Variants in TBC1D20 observed in about 807,000 individuals in gnomAD.
TBC1D20 encodes TBC1 domain family member 20, also known as chromosome 20 open reading frame 140.
TBC1D20 carries 12 observed loss-of-function variants against 41.6 expected under a neutral mutation model. That is an observed-to-expected ratio of 0.29 (90% CI 0.18 to 0.47). The LOEUF (loss-of-function observed/expected upper bound fraction) is 0.47. TBC1D20 is among the 20% of genes least tolerant of loss of function. The pLI is 1.00. For synonymous variants in TBC1D20, 205 were observed against 204.8 expected (o/e 1.00, Z -0.01); for missense variants, 421 against 517.4 (o/e 0.81, Z 1.81).
Position 439,097 on chromosome 20 carries a change from G to A in TBC1D20, c.956+11C>T, listed in dbSNP as rs773689761. On this transcript the variant is annotated intron_variant, in intron 7 of 7. Coordinates refer to ENST00000354200, the MANE Select transcript of TBC1D20 (RefSeq NM_144628.4). The surrounding 1 kb of genome is among the most constrained non-coding windows in gnomAD (Gnocchi z 4.6). Reference sequence around the variant, plus strand: ...CCACCCCCATTCAACCAGTGTCCCAGCCTTGCTCACCTCTCAGCTTGCTGT... The same window carrying A: ...CCACCCCCATTCAACCAGTGTCCCAACCTTGCTCACCTCTCAGCTTGCTGT... The A allele has an allele frequency of 4.4e-6, 7 of 1,605,670 alleles. No individual in the cohort carries two copies. In the Admixed American group the frequency reaches 8.5e-5, roughly 19 times the overall value.
intron 1 of TBC1D20, among the ~76,000 whole-genome samples, chr20:455,135 A>T (rs1169643363): frequency 6.6e-6 from 1 of 152,128 alleles, no homozygotes; most frequent in East Asian, 1.9e-4. Context: ...ACCTCGGTAA[A>T]CCTGTCCTCC....
intron 5 of TBC1D20, 74 bp downstream of exon 5, chr20:441,514 G>T: frequency 7.6e-7 from 1 of 1,312,666 alleles, no homozygotes; most frequent in Non-Finnish European, 1.1e-6. Context: ...CGCTCGGCTT[G>T]TGAGGAGTGT....
intron 1 of TBC1D20, 63 bp from the exon 2 acceptor site, chr20:448,137 A>C (rs917176165): frequency 9.8e-6 from 12 of 1,224,560 alleles, no homozygotes; most frequent in Non-Finnish European, 1.2e-5. Context: ...TCTGCCTAGG[A>C]CTCAAGCTCC....
intron 2 of TBC1D20, among the ~76,000 whole-genome samples, chr20:445,595 C>T (rs1049937379): frequency 1.1e-4 from 16 of 152,202 alleles, no homozygotes; most frequent in African/African-American, 2.2e-4. Context: ...TATATTGAGA[C>T]TCACATAAAG....
chr20:452,910 G>A (rs2017469915), intron 1 of TBC1D20, among the ~76,000 whole-genome samples: 1 of 152,124 alleles, frequency 6.6e-6, no homozygotes, highest in Non-Finnish European at 1.5e-5. Flanking sequence ...AGCATTTTGG[G>A]AGGCCGAGGC....
intron 5 of TBC1D20, chr20:440,917 C>T (rs1367900214): frequency 1.3e-5 from 2 of 153,656 alleles, no homozygotes; most frequent in Non-Finnish European, 2.9e-5. Flanking sequence ...ATGGAGAAAC[C>T]CTGTCTCTAC....
Position 447,902 on chromosome 20 carries a change from T to G in TBC1D20, c.243A>C (p.Pro81=). ...CACTCCCCTTACCTGATATAGGAGG[T>G]GGGTCATTGGCATTGACATTGAGGA... ...PKLLNVNAND[P]PPISGKNLRQ... is the part of the protein sequence containing the mutation. Residue 81 remains proline, a synonymous_variant, in exon 2 of 8, where the codon CCA becomes CCC. Transcript: ENST00000354200. 6.2e-7 allele frequency: 1 copy of G among 1,612,398 alleles called. No homozygotes were observed. Among genetic ancestry groups the G allele is most frequent in the Non-Finnish European group, 8.5e-7 (1 of 1,179,418 alleles).
chr20:444,574 TTTA>T (rs1421299428), intron 3 of TBC1D20, among the ~76,000 whole-genome samples: 1 of 152,180 alleles, frequency 6.6e-6, no homozygotes, highest in Non-Finnish European at 1.5e-5. Flanking sequence ...TTTGTTTTTA[TTTA>T]TTTATTTTTT....
rs1198052752 is a variant in TBC1D20, at chr20:453,539, C to CTTTTTTTT, written c.71-5466_71-5465insAAAAAAAA. On this transcript the variant is annotated intron_variant, in intron 1 of 7. Transcript: ENST00000354200. ...ACGGTGGCTCGTGCCTGTAATCCAG[C>CTTTTTTTT]ATTTTTTTTTTTTTTTTTTTTTTTG... Among the ~76,000 whole-genome samples, 16 of 109,724 alleles carry CTTTTTTTT rather than the reference C, an allele frequency of 1.5e-4. 5 individuals are homozygous for CTTTTTTTT. The highest frequency in any genetic ancestry group is 1.9e-4 in the African/African-American group (5 of 25,774). The allele number at this position is 109,724 out of a possible 152,430, so 72.0% of individuals were successfully genotyped here.
Position 445,064 on chromosome 20 carries a change from C to T in TBC1D20, c.323G>A (p.Arg108Gln), listed in dbSNP as rs146185064. The change falls in exon 3 of 8, where the codon CGG (arginine) becomes CAG (glutamine). Residue 108 changes from arginine to glutamine, a missense_variant. By Grantham distance (43) the Arg-to-Gln change is conservative (BLOSUM62 1). Around this residue, in one of 3 missense-constraint regions of TBC1D20, gnomAD observed 150 missense variants for 151.3 expected, o/e 0.99. Coordinates refer to ENST00000354200, the MANE Select transcript of TBC1D20 (RefSeq NM_144628.4). ...GAGCTTCTCACCAGGAGGGAACCGC[C>T]GCAATGACCGCCGGACGTCCAGCAA... is the stretch of plus-strand genomic sequence containing the variant. ...QVLLDVRRSLRRFPPGMPEEQ... is the reference protein window; with the variant it reads ...QVLLDVRRSLQRFPPGMPEEQ... 17 of 1,604,720 alleles carry T rather than the reference C, an allele frequency of 1.1e-5. No homozygotes were observed. The highest frequency in any genetic ancestry group is 5.3e-5 in the African/African-American group (4 of 74,776).
rs376611896 is a variant in TBC1D20, at chr20:441,810, C to T, written c.524+47G>A. On this transcript the variant is annotated intron_variant, in intron 4 of 7. Coordinates refer to ENST00000354200, the MANE Select transcript of TBC1D20 (RefSeq NM_144628.4). ...ACAGGCCAGTGAGTTATCCCCAGGA[C>T]GGCTGAGGAGTGATGCCCGTCGTCT... 1,704 of 1,597,156 alleles carry T rather than the reference C, an allele frequency of 1.1e-3. 18 individuals carry two copies. The highest frequency in any genetic ancestry group is 7.4e-3 in the South Asian group (667 of 90,210).
intron 2 of TBC1D20, among the ~76,000 whole-genome samples, chr20:445,673 T>C (rs2017318404): frequency 6.6e-6 from 1 of 152,236 alleles, no homozygotes; most frequent in Non-Finnish European, 1.5e-5. Flanking sequence ...ACAGTCCTTG[T>C]GTTCAGCTGC....
chr20:438,561 G>C lies in TBC1D20; in HGVS notation c.*25C>G. 1 of 1,611,110 alleles carries C rather than the reference G, an allele frequency of 6.2e-7. No individual in the cohort carries two copies. The highest frequency in any genetic ancestry group is 8.5e-7 in the Non-Finnish European group (1 of 1,177,700). The stretch of plus-strand genomic sequence containing the variant: ...TGGAAGGGTGAGACCTTAATGTGAT[G>C]TAAGAGGAAGGTCTTCTCTGGCTTT... On this transcript the variant is annotated 3_prime_UTR_variant, in exon 8 of 8. Coordinates refer to ENST00000354200, the MANE Select transcript of TBC1D20 (RefSeq NM_144628.4).
chr20:451,340 T>A (rs994731186), intron 1 of TBC1D20, among the ~76,000 whole-genome samples: 1 of 151,926 alleles, frequency 6.6e-6, no homozygotes, highest in African/African-American at 2.4e-5. Context: ...AGGTCAGGAG[T>A]TCGAGACCAG....
chr20:439,458 T>C lies in TBC1D20; in HGVS notation c.769-163A>G, dbSNP rs2017184898. ...TCCATCAAGGAAGTAATAACATATATACGCTCAGTGCTACTCCTACTCTCT... is the reference window on the plus strand; with the variant it reads ...TCCATCAAGGAAGTAATAACATATACACGCTCAGTGCTACTCCTACTCTCT... On this transcript the variant is annotated intron_variant, in intron 6 of 7. Coordinates refer to ENST00000354200, the MANE Select transcript of TBC1D20 (RefSeq NM_144628.4). This position sits in a 1 kb window ranked among gnomAD's most constrained non-coding sequence, Gnocchi z 4.6. Among the ~76,000 whole-genome samples the C allele has an allele frequency of 6.6e-6, 1 of 152,186 alleles. No homozygotes were observed. Among genetic ancestry groups the C allele is most frequent in the African/African-American group, 2.4e-5 (1 of 41,442 alleles).
chr20:460,238 A>G (rs192183364), intron 1 of TBC1D20, among the ~76,000 whole-genome samples: 2,079 of 152,144 alleles, frequency 0.014, 30 homozygotes, highest in Admixed American at 0.036. Context: ...AGGGAGGGAG[A>G]CAGACATACC....
intron 2 of TBC1D20, 61 bp downstream of exon 2, chr20:447,828 G>T (rs2017364285): frequency 7.0e-7 from 1 of 1,419,038 alleles, no homozygotes. Context: ...AAAGATCCTG[G>T]AATTCTTTTC....
Position 462,332 on chromosome 20 carries a change from G to T in TBC1D20, c.70+4C>A. On this transcript the variant is annotated splice_donor_region_variant and intron_variant, in intron 1 of 7. Coordinates refer to ENST00000354200, the MANE Select transcript of TBC1D20 (RefSeq NM_144628.4). ...GCTCCCGGCGCCCCGGTCGGCTTCC[G>T]TACCTGCCTTCTCCGCGCCGCCGTC... 1.5e-6 allele frequency: 2 copies of T among 1,302,328 alleles called. No individual in the cohort carries two copies. Among genetic ancestry groups the T allele is most frequent in the South Asian group, 1.9e-5 (1 of 51,844 alleles). The allele number at this position is 1,302,328 out of a possible 1,614,324, so 80.7% of individuals were successfully genotyped here.
In TBC1D20 at chr20:447,901, G is replaced by C. The variant is rs768178523; in HGVS notation, c.244C>G (p.Pro82Ala). The C allele has an allele frequency of 1.2e-6, 2 of 1,612,488 alleles. No homozygotes were observed. Among genetic ancestry groups the C allele is most frequent in the Non-Finnish European group, 8.5e-7 (1 of 1,179,512 alleles). The change falls in exon 2 of 8, where the codon CCT (proline) becomes GCT (alanine). Residue 82 changes from proline to alanine, a missense_variant. Physicochemically the swap from Pro to Ala is conservative, Grantham distance 27. This residue lies in a region of TBC1D20 where 150 missense variants were observed against 151.3 expected (regional missense o/e 0.99). Transcript: ENST00000354200. ...CCACTCCCCTTACCTGATATAGGAG[G>C]TGGGTCATTGGCATTGACATTGAGG... ...KLLNVNANDP[P>A]PISGKNLRQM... is the part of the protein sequence containing the mutation.
Sources: gnomAD v4.1 joint callset for allele counts (sites outside exome capture counted in the v4.1 genomes callset) on GRCh38, gnomAD v4.1.1 for gene constraint, gnomAD v4.1.1 regional missense constraint, Gnocchi (gnomAD v3.1) non-coding constraint, MANE v1.5 for transcripts, NCBI Gene and HGNC (gene_info 2026-07-23, HGNC 2026-07-21) for gene names.